MCM10: variants seen among roughly 807,000 people sequenced by gnomAD.
MCM10 encodes the protein minichromosome maintenance 10 replication initiation factor.
Under a neutral mutation model 109.9 loss-of-function variants are expected in MCM10, and 91 were observed. The observed-to-expected ratio is 0.83, with a 90% CI of 0.70 to 0.99. The LOEUF (loss-of-function observed/expected upper bound fraction) is 0.99, where lower values mean the gene tolerates loss of function less well. Among genes scored for constraint, MCM10 ranks in the 50% least tolerant of loss-of-function variants. The pLI, the probability that MCM10 is intolerant of heterozygous loss-of-function variation, is 0.00. For synonymous variants in MCM10, 380 were observed against 387.2 expected (o/e 0.98, Z 0.22); for missense variants, 1,077 against 1,061.2 (o/e 1.01, Z -0.21).
chr10:13,183,158 T>C, intron 8 of MCM10, 58 bp downstream of exon 8: 1 of 1,567,532 alleles, frequency 6.4e-7, no homozygotes. Context: ...AACTGAGTTT[T>C]ATCAAAGATG....
intron 13 of MCM10, among the ~76,000 whole-genome samples, chr10:13,193,920 T>C (rs76759950): frequency 0.011 from 1,705 of 152,240 alleles, 39 homozygotes; most frequent in African/African-American, 0.039. Context: ...AGAGTGGCTG[T>C]GCGGTTGGGA....
chr10:13,200,872 C>T (rs1055718088), intron 16 of MCM10, among the ~76,000 whole-genome samples: 2 of 152,162 alleles, frequency 1.3e-5, no homozygotes, highest in African/African-American at 2.4e-5. Context: ...GGGCCAGGTG[C>T]GGTGGCTCAT....
At position 13,210,560 on chromosome 10, in the gene MCM10, T is replaced by G. The variant is rs985372286; in HGVS notation, c.*1250T>G. ...TAGGGACATAACACTTTTGGGAGGT[T>G]GTTGTGGGAGATGGTTGATTTAGGT... is the stretch of plus-strand genomic sequence containing the variant. On this transcript the variant is annotated 3_prime_UTR_variant, in exon 20 of 20. Coordinates refer to ENST00000378714, the MANE Select transcript of MCM10 (RefSeq NM_018518.5). The G allele has an allele frequency of 6.6e-6, 1 of 152,190 alleles. No homozygotes were observed. Among genetic ancestry groups the G allele is most frequent in the African/African-American group, 2.4e-5 (1 of 41,442 alleles). 9.4% of individuals were successfully genotyped at this position (152,190 alleles called of 1,614,324 possible).
In MCM10 at chr10:13,201,540, T is replaced by TGAA. The variant is rs771149019; in HGVS notation, c.2352+8_2352+10dup. The TGAA allele has an allele frequency of 6.3e-7, 1 of 1,599,976 alleles. No individual in the cohort carries two copies. Among genetic ancestry groups the TGAA allele is most frequent in the Admixed American group, 1.7e-5 (1 of 58,662 alleles). On this transcript the variant is annotated splice_region_variant and intron_variant, in intron 17 of 19. Coordinates refer to ENST00000378714, the MANE Select transcript of MCM10 (RefSeq NM_018518.5). ...GTGTCGTGACATGCAAGACGGTGGG[T>TGAA]GAAGGTGGGGGCTGCAGCAACCCAT...
intron 1 of MCM10, among the ~76,000 whole-genome samples, chr10:13,162,851 G>A (rs962686010): frequency 7.2e-5 from 11 of 152,188 alleles, no homozygotes; most frequent in Non-Finnish European, 1.5e-4. Context: ...AGGCCAAGGC[G>A]GACGGATCAC....
chr10:13,184,835 T>G (rs1333796193), intron 8 of MCM10, among the ~76,000 whole-genome samples: 2 of 152,208 alleles, frequency 1.3e-5, no homozygotes, highest in Non-Finnish European at 1.5e-5. Flanking sequence ...TGAATTGGCA[T>G]ACCGTGGAAG....
intron 2 of MCM10, among the ~76,000 whole-genome samples, chr10:13,165,871 A>T (rs1833989958): frequency 8.8e-6 from 1 of 113,870 alleles, no homozygotes; most frequent in Admixed American, 8.8e-5. Context: ...GCAAGACTCC[A>T]TCTGAAAAAA....
Position 13,172,289 on chromosome 10 carries a change from T to A in MCM10, c.350-87T>A. ...GGTCTCAAGGTATTGGGGCAGGGAG[T>A]GGACAACAAAAATATTGCCCGCATT... On this transcript the variant is annotated intron_variant, in intron 3 of 19. Transcript: ENST00000378714. This position sits in a 1 kb window ranked among gnomAD's most constrained non-coding sequence, Gnocchi z 5.2. 2.2e-6 allele frequency: 2 copies of A among 913,716 alleles called. No individual in the cohort carries two copies. The highest frequency in any genetic ancestry group is 1.5e-5 in the South Asian group (1 of 68,820). 56.6% of individuals were successfully genotyped at this position (913,716 alleles called of 1,614,324 possible). A position where few individuals can be genotyped will look rare whatever the true frequency, so the allele number is the denominator to read the frequency against.
intron 17 of MCM10, among the ~76,000 whole-genome samples, chr10:13,202,200 A>C (rs1238236209): frequency 6.6e-6 from 1 of 152,022 alleles, no homozygotes; most frequent in East Asian, 1.9e-4. Flanking sequence ...CTCAACAAAA[A>C]ATAAAAAATT....
At chr10:13,170,285 AG>A (rs1360013842) in intron 2 of MCM10, among the ~76,000 whole-genome samples, 1 of 152,204 alleles carries the variant, frequency 6.6e-6, no homozygotes, top group Non-Finnish European at 1.5e-5. Flanking sequence ...TTAATGTTAA[AG>A]GCAAGAAGCA....
At chr10:13,203,051 G>T (rs562725014) in intron 17 of MCM10, among the ~76,000 whole-genome samples, 1 of 152,104 alleles carries the variant, frequency 6.6e-6, no homozygotes, top group Admixed American at 6.5e-5. Flanking sequence ...CACTATGTTG[G>T]ACATGCTGGT....
At chr10:13,162,952 G>C (rs866459675) in intron 1 of MCM10, among the ~76,000 whole-genome samples, 1 of 151,986 alleles carries the variant, frequency 6.6e-6, no homozygotes. Flanking sequence ...GGTGGCGGGC[G>C]CCTGTAGTCC....
chr10:13,193,553 C>A (rs760713792), intron 13 of MCM10, among the ~76,000 whole-genome samples: 1 of 152,156 alleles, frequency 6.6e-6, no homozygotes, highest in Non-Finnish European at 1.5e-5. Context: ...GGTGCTGAAC[C>A]TTTTGCCATC....
chr10:13,173,248 A>C (rs1834098599), intron 5 of MCM10, among the ~76,000 whole-genome samples: 3 of 152,094 alleles, frequency 2.0e-5, no homozygotes, highest in Non-Finnish European at 4.4e-5. Flanking sequence ...TAAGTACTTA[A>C]CAGGTTGAAT....
At chr10:13,191,927 C>A (rs952335571) in intron 11 of MCM10, among the ~76,000 whole-genome samples, 4 of 152,104 alleles carry the variant, frequency 2.6e-5, no homozygotes, top group African/African-American at 9.7e-5. Flanking sequence ...AAAAACAAGT[C>A]TTGATCAGAG....
rs146891519 is a variant in MCM10 at position 13,191,446 on chromosome 10, G to T, written c.1516+47G>T. On this transcript the variant is annotated intron_variant, in intron 11 of 19. Coordinates refer to ENST00000378714, the MANE Select transcript of MCM10 (RefSeq NM_018518.5). ...AAATTTCTTTCTCCAGTTTAATTAT[G>T]CAGCCTTAGGGATAAAAGACTACAC... The T allele has an allele frequency of 3.1e-5, 46 of 1,480,390 alleles. No homozygotes were observed. In the African/African-American group the frequency reaches 5.4e-4, roughly 17 times the overall value. 91.7% of individuals were successfully genotyped at this position (1,480,390 alleles called of 1,614,324 possible). A position where few individuals can be genotyped will look rare whatever the true frequency, so the allele number is the denominator to read the frequency against.
At chr10:13,183,193 C>T (rs918459959) in intron 8 of MCM10, 93 bp downstream of exon 8, 4 of 1,391,770 alleles carry the variant, frequency 2.9e-6, no homozygotes, top group Middle Eastern at 2.0e-4. Context: ...CAGTGGCTCA[C>T]ACCTGTAATC....
Position 13,194,050 on chromosome 10 carries a change from G to C in MCM10, c.1746-991G>C, listed in dbSNP as rs1366323983. Among the ~76,000 whole-genome samples the C allele has an allele frequency of 2.7e-5, 4 of 150,860 alleles. No homozygotes were observed. In the Admixed American group the frequency reaches 2.7e-4, roughly 10 times the overall value. ...GAAGTTTGGACTAGATGATTTCTGG[G>C]GTTTGTTATTTGTTTTTAAATATCT... On this transcript the variant is annotated intron_variant, in intron 13 of 19. Transcript: ENST00000378714.
In MCM10 at chr10:13,197,733, A is replaced by G; in HGVS notation, c.2085A>G (p.Glu695=). ...KDPQDILEVK[E]RVEKNTMFSS... ...CTCAGGACATCCTGGAGGTGAAGGA[A>G]CGTGTAGAAAAAAACACCATGTTTT... Residue 695 remains glutamate (E), a synonymous_variant, in exon 15 of 20, where the codon GAA becomes GAG. Transcript: ENST00000378714. 1 of 1,613,414 alleles carries G rather than the reference A, an allele frequency of 6.2e-7. No homozygotes were observed. The highest frequency in any genetic ancestry group is 8.5e-7 in the Non-Finnish European group (1 of 1,179,870).
Sources: allele counts gnomAD v4.1 joint callset (sites outside exome capture counted in the v4.1 genomes callset), GRCh38; gene constraint gnomAD v4.1.1; non-coding constraint Gnocchi (gnomAD v3.1); transcripts MANE v1.5; gene names NCBI Gene and HGNC (gene_info 2026-07-23, HGNC 2026-07-21).